NUBPL: variants seen among roughly 807,000 people sequenced by gnomAD.
NUBPL encodes NUBP iron-sulfur cluster assembly factor, mitochondrial, also known as iron-sulfur cluster transfer protein NUBPL.
In NUBPL, 31 loss-of-function variants were observed where a neutral mutation model predicts 45.7. That is an observed-to-expected ratio of 0.68 (90% CI 0.51 to 0.92). NUBPL has a LOEUF of 0.92. NUBPL is among the 40% of genes least tolerant of loss of function. NUBPL has a pLI of 0.00. For missense variants in NUBPL, 401 were observed against 398.7 expected (o/e 1.01, Z -0.05); for synonymous variants, 144 against 140.9 (o/e 1.02, Z -0.15).
At chr14:31,717,068 T>C (rs1471243661) in intron 6 of NUBPL, among the ~76,000 whole-genome samples, 1 of 152,228 alleles carries the variant, frequency 6.6e-6, no homozygotes, top group African/African-American at 2.4e-5. Context: ...ACTTTCCTGA[T>C]TTATACCCTT....
chr14:31,766,671 C>G (rs1741838845), intron 6 of NUBPL, among the ~76,000 whole-genome samples: 1 of 152,306 alleles, frequency 6.6e-6, no homozygotes, highest in African/African-American at 2.4e-5. Context: ...TCAAGTTTCT[C>G]TCTCACAACT....
chr14:31,737,715 C>A (rs970590670), intron 6 of NUBPL, among the ~76,000 whole-genome samples: 1 of 152,146 alleles, frequency 6.6e-6, no homozygotes, highest in Non-Finnish European at 1.5e-5. Context: ...ACCTGGGAGG[C>A]AGAGGTTGTG....
chr14:31,793,142 A>G (rs746484111), intron 7 of NUBPL, among the ~76,000 whole-genome samples: 3 of 152,078 alleles, frequency 2.0e-5, no homozygotes, highest in African/African-American at 7.2e-5. Flanking sequence ...TTAGATTCTC[A>G]TTTGAATATC....
intron 6 of NUBPL, among the ~76,000 whole-genome samples, chr14:31,688,658 G>GTTTTTT (rs35846918): frequency 7.7e-6 from 1 of 129,466 alleles, no homozygotes; most frequent in African/African-American, 3.2e-5. Flanking sequence ...TTTTGTTGTT[G>GTTTTTT]TTTTTTTTTT....
At chr14:31,801,459 G>A (rs2039588923) in intron 7 of NUBPL, among the ~76,000 whole-genome samples, 1 of 152,096 alleles carries the variant, frequency 6.6e-6, no homozygotes, top group Non-Finnish European at 1.5e-5. Flanking sequence ...AAAGAAAGAG[G>A]ACAGAATTTC....
chr14:31,644,279 AG>A (rs1006388788), intron 4 of NUBPL, among the ~76,000 whole-genome samples: 15 of 152,080 alleles, frequency 9.9e-5, no homozygotes, highest in African/African-American at 3.4e-4. Flanking sequence ...TTTAAAATGT[AG>A]GTGTTTATTG....
intron 4 of NUBPL, among the ~76,000 whole-genome samples, chr14:31,600,409 C>T (rs1441931201): frequency 6.6e-6 from 1 of 152,056 alleles, no homozygotes; most frequent in African/African-American, 2.4e-5. Context: ...AGACTGGGAC[C>T]ATACAGACAC....
chr14:31,806,988 A>T (rs2885204), intron 7 of NUBPL, among the ~76,000 whole-genome samples: 1 of 140,338 alleles, frequency 7.1e-6, no homozygotes, highest in Non-Finnish European at 1.6e-5. Context: ...TCCATGGTGT[A>T]TATGTGCCAC....
chr14:31,738,762 G>A (rs1452158929), intron 6 of NUBPL, among the ~76,000 whole-genome samples: 8 of 151,972 alleles, frequency 5.3e-5, no homozygotes, highest in African/African-American at 1.9e-4. Flanking sequence ...TGATTTTTCT[G>A]TTTCCTTAGA....
Position 31,838,073 on chromosome 14 carries a change from G to A in NUBPL, c.694-8398G>A, listed in dbSNP as rs575210863. Reference sequence around the variant, plus strand: ...TGGTTCACAGTATAAACAAGTAAACGGTTGAACAAGCCAGCACAATGAGAG... The same window carrying A: ...TGGTTCACAGTATAAACAAGTAAACAGTTGAACAAGCCAGCACAATGAGAG... On this transcript the variant is annotated intron_variant, in intron 8 of 10. Coordinates refer to ENST00000281081, the MANE Select transcript of NUBPL (RefSeq NM_025152.3). Among the ~76,000 whole-genome samples the A allele has an allele frequency of 2.4e-3, 368 of 152,108 alleles. 3 individuals are homozygous for A. The highest frequency in any genetic ancestry group is 3.3e-3 in the Non-Finnish European group (221 of 67,990).
chr14:31,617,581 T>C (rs1486665588), intron 4 of NUBPL, among the ~76,000 whole-genome samples: 2 of 152,258 alleles, frequency 1.3e-5, no homozygotes, highest in African/African-American at 2.4e-5. Flanking sequence ...ATCACGTTTA[T>C]TGATTTGCAT....
At chr14:31,677,023 T>C (rs895519104) in intron 6 of NUBPL, among the ~76,000 whole-genome samples, 2 of 152,030 alleles carry the variant, frequency 1.3e-5, no homozygotes, top group Non-Finnish European at 2.9e-5. Context: ...TTTTTTTTTC[T>C]TTTTTAAAAT....
intron 10 of NUBPL, among the ~76,000 whole-genome samples, chr14:31,853,572 A>AT (rs771884862): frequency 1.3e-5 from 2 of 152,210 alleles, no homozygotes; most frequent in Non-Finnish European, 2.9e-5. Context: ...TCCCAGTAAC[A>AT]TTTAACTTTC....
intron 4 of NUBPL, among the ~76,000 whole-genome samples, chr14:31,667,463 A>G (rs1444802875): frequency 1.3e-5 from 2 of 151,786 alleles, no homozygotes; most frequent in African/African-American, 2.4e-5. Context: ...ACCTTTTATC[A>G]AGGTTCTTAG....
intron 6 of NUBPL, among the ~76,000 whole-genome samples, chr14:31,745,480 G>C (rs2038378574): frequency 6.6e-6 from 1 of 151,978 alleles, no homozygotes; most frequent in African/African-American, 2.4e-5. Context: ...TTTTTTAGTA[G>C]AGATGGGGTT....
At chr14:31,734,772 A>G (rs772349514) in intron 6 of NUBPL, among the ~76,000 whole-genome samples, 2 of 152,162 alleles carry the variant, frequency 1.3e-5, no homozygotes, top group Admixed American at 1.3e-4. Context: ...CAAGAATACT[A>G]TATACCTCAG....
chr14:31,786,031 G>A (rs1194266162), intron 6 of NUBPL, among the ~76,000 whole-genome samples: 3 of 152,054 alleles, frequency 2.0e-5, no homozygotes, highest in Non-Finnish European at 4.4e-5. Flanking sequence ...GGTGGCACAC[G>A]TCTATAGTCC....
chr14:31,609,655 A>T (rs886524131), intron 4 of NUBPL, among the ~76,000 whole-genome samples: 7 of 152,104 alleles, frequency 4.6e-5, no homozygotes, highest in Non-Finnish European at 8.8e-5. Flanking sequence ...ATTCTTAAGG[A>T]TATACCACAT....
chr14:31,646,335 C>T (rs71417969), intron 4 of NUBPL, among the ~76,000 whole-genome samples: 46,286 of 151,650 alleles, frequency 0.31, 7,729 homozygotes, highest in South Asian at 0.41. Context: ...TACAGGCACC[C>T]GCCCCCACGC....
Sources: gnomAD v4.1 joint callset for allele counts (sites outside exome capture counted in the v4.1 genomes callset) on GRCh38, gnomAD v4.1.1 for gene constraint, MANE v1.5 for transcripts, NCBI Gene and HGNC (gene_info 2026-07-23, HGNC 2026-07-21) for gene names.